Variants in FAXC observed in about 807,000 individuals in gnomAD.
FAXC encodes failed axon connections homolog.
FAXC carries 10 observed loss-of-function variants against 41.9 expected under a neutral mutation model. The observed-to-expected ratio is 0.24, with a 90% CI of 0.15 to 0.41. The LOEUF (loss-of-function observed/expected upper bound fraction) is 0.41, where lower values mean the gene tolerates loss of function less well. FAXC is among the 10% of genes least tolerant of loss of function. The pLI, the probability that FAXC is intolerant of heterozygous loss-of-function variation, is 1.00. For synonymous variants in FAXC, 183 were observed against 183.8 expected (o/e 1.00, Z 0.03); for missense variants, 399 against 510.9 (o/e 0.78, Z 2.11).
chr6:99,305,894 A>G (rs1039937064), intron 4 of FAXC, among the ~76,000 whole-genome samples: 1 of 152,166 alleles, frequency 6.6e-6, no homozygotes, highest in Non-Finnish European at 1.5e-5. Flanking sequence ...AGTGGGATAC[A>G]GTGACAAATG....
intron 4 of FAXC, among the ~76,000 whole-genome samples, chr6:99,304,269 A>G (rs1771827023): frequency 6.6e-6 from 1 of 152,098 alleles, no homozygotes; most frequent in Non-Finnish European, 1.5e-5. Flanking sequence ...CTGGGCAAAA[A>G]GAGCAAAATT....
In FAXC at chr6:99,349,322, C is replaced by G; in HGVS notation, c.51G>C (p.Leu17=). 2 of 1,613,036 alleles carry G rather than the reference C, an allele frequency of 1.2e-6. No homozygotes were observed. The highest frequency in any genetic ancestry group is 8.5e-7 in the Non-Finnish European group (1 of 1,179,956). Residue 17 remains leucine, a synonymous_variant, in exon 1 of 6, where the codon CTG becomes CTC. Transcript: ENST00000389677. ...FASSRPCVVD[L]SWNQSISFFG... is the part of the protein sequence containing the mutation. ...AGAAGGAGATGCTCTGGTTCCAGCT[C>G]AGATCCACCACGCACGGCCTGGACG...
intron 4 of FAXC, among the ~76,000 whole-genome samples, chr6:99,294,648 T>C (rs988524894): frequency 1.3e-5 from 2 of 151,880 alleles, no homozygotes; most frequent in African/African-American, 4.8e-5. Flanking sequence ...AGAAAGAAAA[T>C]GTTGCTGTCC....
intron 4 of FAXC, among the ~76,000 whole-genome samples, chr6:99,296,278 C>G (rs1771493532): frequency 1.1e-5 from 1 of 89,342 alleles, no homozygotes; most frequent in African/African-American, 5.0e-5. Flanking sequence ...GATCTCACGA[C>G]CAGGGGGTTT....
chr6:99,278,354 A>G lies in FAXC; in HGVS notation c.*2810T>C, dbSNP rs1356937272. 6.6e-6 allele frequency: 1 copy of G among 152,224 alleles called. No individual in the cohort carries two copies. The highest frequency in any genetic ancestry group is 1.5e-5 in the Non-Finnish European group (1 of 68,046). 9.4% of individuals were successfully genotyped at this position (152,224 alleles called of 1,614,324 possible). On this transcript the variant is annotated 3_prime_UTR_variant, in exon 6 of 6. Coordinates refer to ENST00000389677, the MANE Select transcript of FAXC (RefSeq NM_032511.4). ...TGATTTACTTTTACAATGACAGGAA[A>G]AAAAGAACGAATAGCCTATGGGTCT...
At chr6:99,329,738 G>A (rs1772964046) in intron 3 of FAXC, among the ~76,000 whole-genome samples, 1 of 151,716 alleles carries the variant, frequency 6.6e-6, no homozygotes, top group Non-Finnish European at 1.5e-5. Context: ...AAAGATCTTG[G>A]TTAAGTCAAT....
At chr6:99,312,682 T>C (rs900164580) in intron 4 of FAXC, among the ~76,000 whole-genome samples, 1 of 152,194 alleles carries the variant, frequency 6.6e-6, no homozygotes, top group Non-Finnish European at 1.5e-5. Context: ...CAAAAAGCCA[T>C]ACTATTAATA....
chr6:99,315,595 T>C (rs945360946), intron 4 of FAXC, among the ~76,000 whole-genome samples: 88 of 152,214 alleles, frequency 5.8e-4, no homozygotes, highest in Non-Finnish European at 2.5e-4. Flanking sequence ...ATTACAAGTA[T>C]ACTCTCCTCC....
intron 5 of FAXC, among the ~76,000 whole-genome samples, chr6:99,287,618 C>T (rs529668463): frequency 6.6e-6 from 1 of 152,274 alleles, no homozygotes; most frequent in Non-Finnish European, 1.5e-5. Flanking sequence ...CACAATGAGG[C>T]AAGGCCAGTG....
In FAXC at chr6:99,273,027, A is replaced by C. The variant is rs903642830; in HGVS notation, c.*8137T>G. ...GTAGTCAACATAGTGCACAATTCAA[A>C]TCTATCTTACAATCAAGTGTACAAG... is the stretch of plus-strand genomic sequence containing the variant. On this transcript the variant is annotated 3_prime_UTR_variant, in exon 6 of 6. Coordinates refer to ENST00000389677, the MANE Select transcript of FAXC (RefSeq NM_032511.4). 1.3e-5 allele frequency: 2 copies of C among 152,264 alleles called. No homozygotes were observed. Among genetic ancestry groups the C allele is most frequent in the Admixed American group, 6.5e-5 (1 of 15,290 alleles). The allele number at this position is 152,264 out of a possible 1,614,324, so 9.4% of individuals were successfully genotyped here. A position where few individuals can be genotyped will look rare whatever the true frequency, so the allele number is the denominator to read the frequency against.
chr6:99,336,241 A>AC (rs1773212964), intron 2 of FAXC, among the ~76,000 whole-genome samples: 1 of 151,218 alleles, frequency 6.6e-6, no homozygotes, highest in Admixed American at 6.6e-5. Context: ...AAAAATGTTG[A>AC]TTTTTTTTCT....
chr6:99,293,004 G>A (rs540477479), intron 4 of FAXC, among the ~76,000 whole-genome samples: 79 of 152,068 alleles, frequency 5.2e-4, no homozygotes, highest in African/African-American at 1.7e-3. Flanking sequence ...ACAGGGTTTC[G>A]CCATGTTGGC....
At chr6:99,288,363 G>A (rs1359143252) in intron 5 of FAXC, among the ~76,000 whole-genome samples, 1 of 152,106 alleles carries the variant, frequency 6.6e-6, no homozygotes, top group African/African-American at 2.4e-5. Context: ...GTTGTATAGA[G>A]CATGTGAGTA....
chr6:99,313,016 G>A (rs1383729411), intron 4 of FAXC, among the ~76,000 whole-genome samples: 1 of 152,190 alleles, frequency 6.6e-6, no homozygotes. Flanking sequence ...GTTGAGGCCA[G>A]GTGCAGTGGC....
intron 1 of FAXC, among the ~76,000 whole-genome samples, chr6:99,344,632 A>G (rs1260777684): frequency 6.6e-6 from 1 of 152,258 alleles, no homozygotes; most frequent in African/African-American, 2.4e-5. Flanking sequence ...TTAACTATAA[A>G]AGAAATGTTT....
At chr6:99,326,061 T>C (rs1772791686) in intron 3 of FAXC, among the ~76,000 whole-genome samples, 1 of 152,184 alleles carries the variant, frequency 6.6e-6, no homozygotes, top group African/African-American at 2.4e-5. Flanking sequence ...TGAGGAAGCC[T>C]GTAAGAGGCG....
intron 5 of FAXC, among the ~76,000 whole-genome samples, chr6:99,290,225 T>C (rs893434652): frequency 3.3e-5 from 5 of 151,890 alleles, no homozygotes; most frequent in African/African-American, 1.2e-4. Context: ...ATTTTACTTC[T>C]GGCTACAACC....
At chr6:99,346,183 T>C (rs1171929324) in intron 1 of FAXC, among the ~76,000 whole-genome samples, 1 of 152,234 alleles carries the variant, frequency 6.6e-6, no homozygotes, top group Non-Finnish European at 1.5e-5. Context: ...GAAACCTAGA[T>C]TTCACCTTAA....
rs1037314429 is a variant in FAXC at position 99,276,926 on chromosome 6, A to C, written c.*4238T>G. On this transcript the variant is annotated 3_prime_UTR_variant, in exon 6 of 6. Transcript: ENST00000389677. ...ACTCTCTGAGCATCTTTCCCATGCA[A>C]CCTTCAGGGAAGGAAGTGATGAGTG... The C allele has an allele frequency of 2.0e-5, 3 of 152,214 alleles. No individual in the cohort carries two copies. The highest frequency in any genetic ancestry group is 7.2e-5 in the African/African-American group (3 of 41,462). 9.4% of individuals were successfully genotyped at this position (152,214 alleles called of 1,614,324 possible). A position where few individuals can be genotyped will look rare whatever the true frequency, so the allele number is the denominator to read the frequency against.
Sources: allele counts gnomAD v4.1 joint callset (sites outside exome capture counted in the v4.1 genomes callset), GRCh38; gene constraint gnomAD v4.1.1; transcripts MANE v1.5; gene names NCBI Gene and HGNC (gene_info 2026-07-23, HGNC 2026-07-21).